SLAIN1: variants seen among roughly 807,000 people sequenced by gnomAD.
SLAIN1 encodes the protein SLAIN family member 1, also known as SLAIN motif-containing protein 1.
In SLAIN1, 17 loss-of-function variants were observed where a neutral mutation model predicts 55.4. The ratio of observed to expected loss-of-function variants is 0.31; its 90% CI spans 0.21 to 0.46. The LOEUF is 0.46. Ranked by LOEUF, SLAIN1 falls within the 20% of genes least tolerant of loss-of-function variation. SLAIN1 has a pLI of 1.00. For synonymous variants in SLAIN1, 348 were observed against 337.4 expected (o/e 1.03, Z -0.35); for missense variants, 682 against 785.1 (o/e 0.87, Z 1.57).
intron 2 of SLAIN1, among the ~76,000 whole-genome samples, chr13:77,729,633 A>G (rs1169696695): frequency 6.6e-6 from 1 of 152,050 alleles, no homozygotes; most frequent in African/African-American, 2.4e-5. Flanking sequence ...ACAATACATG[A>G]AATGTGTTGA....
chr13:77,716,505 G>A (rs537088366), intron 1 of SLAIN1, among the ~76,000 whole-genome samples: 41 of 152,114 alleles, frequency 2.7e-4, no homozygotes, highest in African/African-American at 8.4e-4. Flanking sequence ...TCTTACTCAC[G>A]AAAATGGCAT....
chr13:77,746,265 GTATA>G (rs1257659787), intron 3 of SLAIN1, among the ~76,000 whole-genome samples: 1 of 152,094 alleles, frequency 6.6e-6, no homozygotes, highest in Non-Finnish European at 1.5e-5. Context: ...GCTGTGGCAG[GTATA>G]TATAATCCTC....
chr13:77,698,087 C>CCTG lies in SLAIN1; in HGVS notation c.185_187dup (p.Leu62dup), dbSNP rs1453571136. ...CGGCCAGCGCGGCCGCCGCCCCGCACCTGCTGCTGCTGCCGCCGCCGCCGC... is the reference window on the plus strand; with the variant it reads ...CGGCCAGCGCGGCCGCCGCCCCGCACCTGCTGCTGCTGCTGCCGCCGCCGCCGC... On this transcript the variant is annotated inframe_insertion, in exon 1 of 7. Coordinates refer to ENST00000418532, the MANE Select transcript of SLAIN1 (RefSeq NM_001242868.2). The surrounding 1 kb of genome is among the most constrained non-coding windows in gnomAD (Gnocchi z 4.1). 8 of 1,210,226 alleles carry CCTG rather than the reference C, an allele frequency of 6.6e-6. No individual in the cohort carries two copies. Among genetic ancestry groups the CCTG allele is most frequent in the Non-Finnish European group, 7.2e-6 (7 of 971,124 alleles). The allele number at this position is 1,210,226 out of a possible 1,614,324, so 75.0% of individuals were successfully genotyped here. A position where few individuals can be genotyped will look rare whatever the true frequency, so the allele number is the denominator to read the frequency against.
intron 5 of SLAIN1, among the ~76,000 whole-genome samples, chr13:77,756,424 A>G (rs1874613995): frequency 6.6e-6 from 1 of 152,106 alleles, no homozygotes; most frequent in Non-Finnish European, 1.5e-5. Flanking sequence ...ATGTTTCTAT[A>G]GTTAAATTAA....
intron 2 of SLAIN1, among the ~76,000 whole-genome samples, chr13:77,729,468 C>T (rs78795196): frequency 2.6e-5 from 4 of 151,712 alleles, no homozygotes; most frequent in South Asian, 2.1e-4. Context: ...ACTACTGTGA[C>T]GGTTGATTAA....
intron 2 of SLAIN1, among the ~76,000 whole-genome samples, chr13:77,733,827 C>G (rs1872989592): frequency 6.6e-6 from 1 of 152,106 alleles, no homozygotes; most frequent in African/African-American, 2.4e-5. Flanking sequence ...TGTGGAGAAA[C>G]TAATGCTACT....
At chr13:77,729,282 T>G (rs1201547562) in intron 2 of SLAIN1, among the ~76,000 whole-genome samples, 1 of 152,218 alleles carries the variant, frequency 6.6e-6, no homozygotes. Flanking sequence ...CATGTGTTTT[T>G]TTTTCCTTTG....
rs529220062 is a variant in SLAIN1 at position 77,736,540 on chromosome 13, AAAC to A, written c.767-7728_767-7726del. 3.7e-4 allele frequency among the ~76,000 whole-genome samples: 57 copies of A among 152,072 alleles called. No individual in the cohort carries two copies. The South Asian group carries it at 7.1e-3, about 19-fold the overall frequency. On this transcript the variant is annotated intron_variant, in intron 2 of 6. Transcript: ENST00000418532. ...CAAGCTACAGCCCCCCTCTTTTTTT[AAAC>A]AACAACAACAACAAAACAACAACAA...
chr13:77,701,857 G>GTTGCACC (rs2091034173), intron 1 of SLAIN1, among the ~76,000 whole-genome samples: 1 of 148,908 alleles, frequency 6.7e-6, no homozygotes, highest in South Asian at 2.1e-4. Flanking sequence ...ATGCTGGTGC[G>GTTGCACC]CTGCACCCAC....
chr13:77,734,830 A>G (rs914868597), intron 2 of SLAIN1, among the ~76,000 whole-genome samples: 12 of 151,848 alleles, frequency 7.9e-5, no homozygotes, highest in African/African-American at 2.7e-4. Flanking sequence ...GACCAGCCTG[A>G]CCAATATGGT....
chr13:77,750,498 A>G (rs935826455), intron 4 of SLAIN1, among the ~76,000 whole-genome samples: 2 of 152,136 alleles, frequency 1.3e-5, no homozygotes, highest in South Asian at 2.1e-4. Context: ...TATGGCCACT[A>G]AGATTATGTA....
At chr13:77,743,208 A>G in intron 2 of SLAIN1, 2 of 1,268,210 alleles carry the variant, frequency 1.6e-6, no homozygotes, top group Non-Finnish European at 2.1e-6. Context: ...TTTGTAATTC[A>G]GTTACTAAAC....
In SLAIN1 at chr13:77,711,660, G is replaced by A. The variant is rs185608399; in HGVS notation, c.627-7872G>A. Among the ~76,000 whole-genome samples, 25 of 152,276 alleles carry A rather than the reference G, an allele frequency of 1.6e-4. No homozygotes were observed. The East Asian group carries it at 4.6e-3, about 28-fold the overall frequency. On this transcript the variant is annotated intron_variant, in intron 1 of 6. Coordinates refer to ENST00000418532, the MANE Select transcript of SLAIN1 (RefSeq NM_001242868.2). Reference sequence around the variant, plus strand: ...CTACCAGAGGTGCAAAGAGGAGCTGGTACCATTCCTTCTGAAACTATTCCA... The same window carrying A: ...CTACCAGAGGTGCAAAGAGGAGCTGATACCATTCCTTCTGAAACTATTCCA...
intron 1 of SLAIN1, among the ~76,000 whole-genome samples, chr13:77,712,926 C>CT (rs560659675): frequency 4.4e-4 from 67 of 152,294 alleles, no homozygotes; most frequent in African/African-American, 1.5e-3. Flanking sequence ...ACCATCTGAT[C>CT]TTTGACAAAC....
At chr13:77,722,378 A>G (rs1266570797) in intron 2 of SLAIN1, among the ~76,000 whole-genome samples, 1 of 152,134 alleles carries the variant, frequency 6.6e-6, no homozygotes, top group Non-Finnish European at 1.5e-5. Flanking sequence ...CTTATATTTT[A>G]TAAAATATAG....
intron 5 of SLAIN1, 42 bp from the exon 6 acceptor site, chr13:77,760,786 G>C (rs763556295): frequency 3.1e-6 from 5 of 1,599,558 alleles, no homozygotes. Flanking sequence ...AAGTCGGATA[G>C]TGGTAGAAGG....
At chr13:77,743,107 T>G (rs755811489) in intron 2 of SLAIN1, 7 of 1,303,328 alleles carry the variant, frequency 5.4e-6, no homozygotes, top group Non-Finnish European at 5.1e-6. Context: ...GCAATGGCAT[T>G]AATACTCCCA....
intron 2 of SLAIN1, chr13:77,741,059 G>T (rs1441896635): frequency 1.6e-6 from 1 of 637,542 alleles, no homozygotes; most frequent in Non-Finnish European, 2.0e-6. Context: ...TGTCAATTGT[G>T]CAGGGAGGCT....
At chr13:77,721,916 T>C (rs9600919) in intron 2 of SLAIN1, among the ~76,000 whole-genome samples, 9,865 of 148,604 alleles carry the variant, frequency 0.066, 498 homozygotes, top group African/African-American at 0.12. Flanking sequence ...CGGCATTAAG[T>C]CATTTGCACA....
Sources: gnomAD v4.1 joint callset for allele counts (sites outside exome capture counted in the v4.1 genomes callset) on GRCh38, gnomAD v4.1.1 for gene constraint, Gnocchi (gnomAD v3.1) non-coding constraint, MANE v1.5 for transcripts, NCBI Gene and HGNC (gene_info 2026-07-23, HGNC 2026-07-21) for gene names.